TTC4: variants seen among roughly 807,000 people sequenced by gnomAD.
TTC4 encodes tetratricopeptide repeat domain 4, also known as hsp70/Hsp90 co-chaperone CNS1 homolog.
A neutral mutation model predicts 51.9 loss-of-function variants in TTC4; 36 were observed. That is an observed-to-expected ratio of 0.69 (90% confidence interval 0.53 to 0.92). TTC4 has a LOEUF of 0.92. Ranked by LOEUF, TTC4 falls within the 40% of genes least tolerant of loss-of-function variation. The pLI, the probability that TTC4 is intolerant of heterozygous loss-of-function variation, is 0.00. For synonymous variants in TTC4, 144 were observed against 164.2 expected, an observed-to-expected ratio of 0.88 and a Z score of 0.94; for missense variants, 399 against 454.6, an observed-to-expected ratio of 0.88 and a Z score of 1.11.
chr1:54,734,967 T>C (rs978662778), intron 8 of TTC4, among the ~76,000 whole-genome samples: 1 of 152,166 alleles, frequency 6.6e-6, no homozygotes, highest in Non-Finnish European at 1.5e-5. Context: ...AAATTCTTTA[T>C]AGCAAAAGGG....
At chr1:54,737,447 C>A (rs1645959411) in intron 8 of TTC4, 135 bp from the exon 9 acceptor site, 2 of 674,680 alleles carry the variant, frequency 3.0e-6, no homozygotes, top group Non-Finnish European at 4.9e-6. Flanking sequence ...ATGCAAAGCA[C>A]CCAGCTACAC....
At chr1:54,739,473 A>G (rs543527968) in intron 9 of TTC4, among the ~76,000 whole-genome samples, 9 of 152,354 alleles carry the variant, frequency 5.9e-5, no homozygotes, top group African/African-American at 2.2e-4. Context: ...TTGAGAGCCA[A>G]TGACAGGATA....
intron 8 of TTC4, among the ~76,000 whole-genome samples, chr1:54,734,701 C>A (rs2101354529): frequency 6.6e-6 from 1 of 152,152 alleles, no homozygotes; most frequent in South Asian, 2.1e-4. Context: ...GAATTTCTTT[C>A]CTTTTTAAGG....
rs567542189 is a variant in TTC4, at chr1:54,728,060, C to T, written c.595-286C>T. Among the ~76,000 whole-genome samples, 6 of 152,310 alleles carry T rather than the reference C, an allele frequency of 3.9e-5. No homozygotes were observed. In the South Asian group the frequency reaches 1.2e-3, roughly 32 times the overall value. ...TCACACGACCAGAGTAGTACATAAT[C>T]CACCTGTTATACTGGCTCTTTACTT... On this transcript the variant is annotated intron_variant, in intron 5 of 9. Transcript: ENST00000371281.
intron 5 of TTC4, among the ~76,000 whole-genome samples, chr1:54,726,729 A>C (rs1366263071): frequency 6.6e-6 from 1 of 152,228 alleles, no homozygotes; most frequent in Non-Finnish European, 1.5e-5. Flanking sequence ...ATTAGATCTT[A>C]ATATTGTTAG....
At chr1:54,736,253 GGAGA>G (rs142589480) in intron 8 of TTC4, among the ~76,000 whole-genome samples, 3 of 125,042 alleles carry the variant, frequency 2.4e-5, no homozygotes, top group East Asian at 2.5e-4. Flanking sequence ...AGAGGAGAGA[GGAGA>G]GAGAGAGAGA....
chr1:54,733,692 T>C lies in TTC4; in HGVS notation c.960T>C (p.Tyr320=), dbSNP rs1160434604. 1 of 1,599,044 alleles carries C rather than the reference T, an allele frequency of 6.3e-7. No individual in the cohort carries two copies. Among genetic ancestry groups the C allele is most frequent in the Non-Finnish European group, 8.5e-7 (1 of 1,171,778 alleles). The change falls in exon 8 of 10, where the codon TAT becomes TAC. Residue 320 remains tyrosine, a synonymous_variant. Coordinates refer to ENST00000371281, the MANE Select transcript of TTC4 (RefSeq NM_004623.5). The stretch of plus-strand genomic sequence containing the variant: ...CCTCTTGGGACCTAGAGCAAAAATA[T>C]TGCCCTGATAATTTGGAGGTAAGAG... ...ETPSWDLEQK[Y]CPDNLEVYFE... is the part of the protein sequence containing the mutation.
chr1:54,738,467 A>C (rs1645973990), intron 9 of TTC4, among the ~76,000 whole-genome samples: 1 of 152,110 alleles, frequency 6.6e-6, no homozygotes, highest in African/African-American at 2.4e-5. Flanking sequence ...TGCCCTGAGC[A>C]CAGAGCTGTG....
At chr1:54,725,342 A>G (rs1041420689) in intron 5 of TTC4, among the ~76,000 whole-genome samples, 1 of 152,226 alleles carries the variant, frequency 6.6e-6, no homozygotes, top group African/African-American at 2.4e-5. Flanking sequence ...GGAGCAAACA[A>G]TAGGTGCATC....
chr1:54,734,135 G>C (rs528738916), intron 8 of TTC4, among the ~76,000 whole-genome samples: 22 of 151,162 alleles, frequency 1.5e-4, no homozygotes, highest in African/African-American at 5.3e-4. Flanking sequence ...GCAGTGGTGC[G>C]ATCTTGGCTC....
intron 4 of TTC4, among the ~76,000 whole-genome samples, chr1:54,721,472 T>G (rs1005400832): frequency 2.4e-4 from 37 of 152,154 alleles, no homozygotes; most frequent in African/African-American, 8.7e-4. Context: ...TAAAATTAAT[T>G]AAAACAAAGC....
intron 8 of TTC4, among the ~76,000 whole-genome samples, chr1:54,736,214 GAGAGAGAGAAGAGGAGAGGA>G (rs1570064447): frequency 1.5e-5 from 2 of 129,088 alleles, no homozygotes; most frequent in Admixed American, 7.7e-5. Context: ...GAGAGAGAGA[GAGAGAGAGAAGAGGAGAGGA>G]GAGAGAAGAG....
At chr1:54,741,082 G>GT (rs1480287181) in intron 9 of TTC4, among the ~76,000 whole-genome samples, 6 of 152,158 alleles carry the variant, frequency 3.9e-5, no homozygotes, top group African/African-American at 1.4e-4. Flanking sequence ...GTGGGTGTTG[G>GT]TTTTTTAATC....
chr1:54,723,826 T>C (rs10489661), intron 5 of TTC4, among the ~76,000 whole-genome samples: 10,150 of 152,282 alleles, frequency 0.067, 435 homozygotes, highest in African/African-American at 0.12. Context: ...TCTGTTATTA[T>C]TACTGTTTTT....
At chr1:54,741,386 C>T in intron 9 of TTC4, 25 bp from the exon 10 acceptor site, 1 of 1,578,122 alleles carries the variant, frequency 6.3e-7, no homozygotes, top group East Asian at 2.2e-5. Context: ...AATTAACACC[C>T]TCTCTTTTGT....
At chr1:54,730,675 G>A (rs1645854454) in intron 6 of TTC4, among the ~76,000 whole-genome samples, 1 of 152,078 alleles carries the variant, frequency 6.6e-6, no homozygotes, top group Admixed American at 6.6e-5. Flanking sequence ...CATAAGAGGT[G>A]ACCCTACTAT....
In TTC4 at chr1:54,737,573, A is replaced by G; in HGVS notation, c.979-9A>G. 2 of 1,613,424 alleles carry G rather than the reference A, an allele frequency of 1.2e-6. No homozygotes were observed. Among genetic ancestry groups the G allele is most frequent in the Non-Finnish European group, 1.7e-6 (2 of 1,179,788 alleles). ...ATCTCTGACTCTTGCCCTTCTGTTA[A>G]TCTTGCAGGTCTACTTTGAGGATGA... On this transcript the variant is annotated splice_polypyrimidine_tract_variant and intron_variant, in intron 8 of 9. Transcript: ENST00000371281.
At chr1:54,729,628 C>T (rs1278708173) in intron 6 of TTC4, among the ~76,000 whole-genome samples, 2 of 152,136 alleles carry the variant, frequency 1.3e-5, no homozygotes, top group Non-Finnish European at 2.9e-5. Context: ...TATAGTCTGA[C>T]CCAAATCTTG....
intron 7 of TTC4, among the ~76,000 whole-genome samples, 153 bp from the exon 8 acceptor site, chr1:54,733,476 C>T (rs1205381063): frequency 6.6e-6 from 1 of 151,474 alleles, no homozygotes; most frequent in African/African-American, 2.4e-5. Flanking sequence ...ACAAGTGATA[C>T]ATATACACAT....
Sources: allele counts gnomAD v4.1 joint callset (sites outside exome capture counted in the v4.1 genomes callset), GRCh38; gene constraint gnomAD v4.1.1; transcripts MANE v1.5; gene names NCBI Gene and HGNC (gene_info 2026-07-23, HGNC 2026-07-21).